The following PARD3B variants were observed in gnomAD, a reference collection of about 807,000 sequenced individuals.
PARD3B encodes the protein par-3 family cell polarity regulator beta.
Under a neutral mutation model 130.2 loss-of-function variants are expected in PARD3B, and 103 were observed. The observed-to-expected ratio is 0.79, with a 90% CI of 0.67 to 0.93. The LOEUF (loss-of-function observed/expected upper bound fraction) is 0.93, where lower values mean the gene tolerates loss of function less well. Among genes scored for constraint, PARD3B ranks in the 40% least tolerant of loss-of-function variants. The probability of loss-of-function intolerance (pLI) is 0.00; values close to 1 mark genes in which losing one functional copy is unlikely to be tolerated. For synonymous variants in PARD3B, 583 were observed against 553.2 expected (o/e 1.05, Z -0.76); for missense variants, 1,609 against 1,499.2 (o/e 1.07, Z -1.21).
At chr2:205,134,819 G>A (rs140235410) in intron 10 of PARD3B, among the ~76,000 whole-genome samples, 18 of 152,300 alleles carry the variant, frequency 1.2e-4, no homozygotes, top group African/African-American at 3.4e-4. Flanking sequence ...GAGGAAGTGC[G>A]GGGCTATTTT....
At chr2:204,747,932 G>A (rs1054209588) in intron 2 of PARD3B, among the ~76,000 whole-genome samples, 7 of 152,092 alleles carry the variant, frequency 4.6e-5, no homozygotes, top group African/African-American at 9.7e-5. Context: ...TTAAGAGCAA[G>A]CATGAAGAAA....
intron 2 of PARD3B, among the ~76,000 whole-genome samples, chr2:204,929,991 A>G (rs1687907452): frequency 6.6e-6 from 1 of 152,098 alleles, no homozygotes; most frequent in Admixed American, 6.6e-5. Flanking sequence ...TAAGTAAGAC[A>G]TGTTTTTCCT....
chr2:204,641,623 C>T (rs142428721), intron 1 of PARD3B, among the ~76,000 whole-genome samples: 2 of 152,182 alleles, frequency 1.3e-5, no homozygotes, highest in East Asian at 3.9e-4. Context: ...CTATGTCAGG[C>T]CTGCAGTTGT....
intron 2 of PARD3B, among the ~76,000 whole-genome samples, chr2:204,852,982 T>C (rs777262218): frequency 6.8e-4 from 104 of 152,312 alleles, no homozygotes; most frequent in Non-Finnish European, 9.7e-4. Context: ...AAATGTAATA[T>C]GGAAATAATG....
intron 15 of PARD3B, among the ~76,000 whole-genome samples, chr2:205,205,277 A>T (rs2037223464): frequency 6.6e-6 from 1 of 152,046 alleles, no homozygotes; most frequent in African/African-American, 2.4e-5. Context: ...AATGCTTGTG[A>T]TTTTTGCACA....
chr2:205,130,798 C>CT (rs749475996), intron 10 of PARD3B, among the ~76,000 whole-genome samples: 1 of 152,148 alleles, frequency 6.6e-6, no homozygotes, highest in Non-Finnish European at 1.5e-5. Context: ...TTTCTCCTGC[C>CT]TGGCATGATT....
intron 2 of PARD3B, among the ~76,000 whole-genome samples, chr2:204,826,561 A>C (rs1282372617): frequency 6.6e-6 from 1 of 152,220 alleles, no homozygotes; most frequent in African/African-American, 2.4e-5. Flanking sequence ...TCTAACCAAC[A>C]TGTTAAAAAG....
rs896085826 is a variant in PARD3B, at chr2:205,406,742, C to T, written c.2741+5619C>T. 2.1e-5 allele frequency among the ~76,000 whole-genome samples: 3 copies of T among 144,346 alleles called. No individual in the cohort carries two copies. In the East Asian group the frequency reaches 6.2e-4, roughly 30 times the overall value. 94.7% of individuals were successfully genotyped at this position (144,346 alleles called of 152,430 possible). A position where few individuals can be genotyped will look rare whatever the true frequency, so the allele number is the denominator to read the frequency against. ...CTAGAGTGCAGTGGCATGATCTCGG[C>T]TCACTGCAACCTCCACCTCCCAGGT... On this transcript the variant is annotated intron_variant, in intron 19 of 22. Transcript: ENST00000406610.
Position 204,705,017 on chromosome 2 carries a change from G to A in PARD3B, c.222+18735G>A, listed in dbSNP as rs905029097. Among the ~76,000 whole-genome samples, 40 of 152,228 alleles carry A rather than the reference G, an allele frequency of 2.6e-4. 1 individual carries two copies. The highest frequency in any genetic ancestry group is 2.5e-3 in the Admixed American group (38 of 15,286). On this transcript the variant is annotated intron_variant, in intron 2 of 22. Transcript: ENST00000406610. ...TGGACCAGAGACACTTAAATAAAAGGTTAAGCTGTTTGGGCACAAAAGAAG... is the reference window on the plus strand; with the variant it reads ...TGGACCAGAGACACTTAAATAAAAGATTAAGCTGTTTGGGCACAAAAGAAG...
intron 1 of PARD3B, among the ~76,000 whole-genome samples, chr2:204,592,761 T>G (rs2033130541): frequency 6.6e-6 from 1 of 152,186 alleles, no homozygotes; most frequent in South Asian, 2.1e-4. Flanking sequence ...ACCCCACTCT[T>G]CTTACCAGTT....
intron 22 of PARD3B, among the ~76,000 whole-genome samples, chr2:205,554,868 G>A (rs1444485276): frequency 1.3e-5 from 2 of 152,212 alleles, no homozygotes; most frequent in East Asian, 1.9e-4. Flanking sequence ...ATACTAATAC[G>A]ATTCCATTTT....
At chr2:204,968,941 C>A (rs1354359167) in intron 3 of PARD3B, among the ~76,000 whole-genome samples, 1 of 152,160 alleles carries the variant, frequency 6.6e-6, no homozygotes, top group African/African-American at 2.4e-5. Context: ...AAATTATTTC[C>A]TATCATTTAT....
At chr2:205,326,942 G>A (rs1035401872) in intron 18 of PARD3B, among the ~76,000 whole-genome samples, 1 of 152,166 alleles carries the variant, frequency 6.6e-6, no homozygotes, top group Non-Finnish European at 1.5e-5. Context: ...TAAGCCCTAA[G>A]TGTTCTCTTC....
intron 13 of PARD3B, among the ~76,000 whole-genome samples, chr2:205,178,346 G>A (rs920289321): frequency 2.0e-5 from 3 of 151,962 alleles, no homozygotes; most frequent in East Asian, 3.9e-4. Context: ...CCAGCTACTC[G>A]GGAGGCTGAG....
At chr2:204,777,073 A>G (rs957807029) in intron 2 of PARD3B, among the ~76,000 whole-genome samples, 26 of 152,214 alleles carry the variant, frequency 1.7e-4, no homozygotes, top group African/African-American at 6.0e-4. Flanking sequence ...TGGTATGTTC[A>G]TTCCTGTTGT....
At chr2:204,644,228 A>G (rs2035192644) in intron 1 of PARD3B, among the ~76,000 whole-genome samples, 1 of 152,084 alleles carries the variant, frequency 6.6e-6, no homozygotes, top group African/African-American at 2.4e-5. Context: ...TTATGTTTTC[A>G]TGGGGACACA....
At chr2:205,031,209 T>C (rs1472847877) in intron 3 of PARD3B, among the ~76,000 whole-genome samples, 3 of 152,148 alleles carry the variant, frequency 2.0e-5, no homozygotes, top group African/African-American at 7.2e-5. Context: ...CCTATTTCAT[T>C]TTGAGACCCA....
chr2:204,920,068 A>T (rs2047609222), intron 2 of PARD3B, among the ~76,000 whole-genome samples: 1 of 152,112 alleles, frequency 6.6e-6, no homozygotes, highest in Admixed American at 6.6e-5. Context: ...TGCATAATGG[A>T]TGGAAATGTG....
chr2:205,065,981 C>A (rs781392857), intron 4 of PARD3B, among the ~76,000 whole-genome samples: 11 of 152,040 alleles, frequency 7.2e-5, no homozygotes, highest in Non-Finnish European at 1.5e-4. Flanking sequence ...AACAGGTAGA[C>A]AAAACAACCA....
Sources: allele counts gnomAD v4.1 joint callset (sites outside exome capture counted in the v4.1 genomes callset), GRCh38; gene constraint gnomAD v4.1.1; transcripts MANE v1.5; gene names NCBI Gene and HGNC (gene_info 2026-07-23, HGNC 2026-07-21).